LIPH: variants seen among roughly 807,000 people sequenced by gnomAD.
LIPH encodes the protein lipase member H.
A neutral mutation model predicts 47.6 loss-of-function variants in LIPH; 32 were observed. The ratio of observed to expected loss-of-function variants is 0.67; its 90% CI spans 0.51 to 0.90. The LOEUF (loss-of-function observed/expected upper bound fraction) is 0.90, where lower values mean the gene tolerates loss of function less well. Ranked by LOEUF, LIPH falls within the 40% of genes least tolerant of loss-of-function variation. The pLI is 0.00. For missense variants in LIPH, 497 were observed against 541.4 expected, an observed-to-expected ratio of 0.92 and a Z score of 0.81; for synonymous variants, 190 against 195.6, an observed-to-expected ratio of 0.97 and a Z score of 0.24.
intron 1 of LIPH, among the ~76,000 whole-genome samples, chr3:185,547,145 A>C (rs1349646071): frequency 1.3e-5 from 2 of 152,120 alleles, no homozygotes; most frequent in African/African-American, 4.8e-5. Flanking sequence ...TCTCAAAAAA[A>C]AAAAAAAGAA....
intron 3 of LIPH, 71 bp downstream of exon 3, chr3:185,533,500 G>T: frequency 1.0e-6 from 1 of 969,138 alleles, no homozygotes; most frequent in Non-Finnish European, 1.7e-6. Flanking sequence ...GAGTTGGATT[G>T]GCCTACATAA....
intron 1 of LIPH, among the ~76,000 whole-genome samples, chr3:185,550,838 G>T (rs1440389543): frequency 6.6e-6 from 1 of 152,088 alleles, no homozygotes; most frequent in Non-Finnish European, 1.5e-5. Context: ...AGAGTGCTGG[G>T]ATTATAGGCA....
rs1043440226 is a variant in LIPH, at chr3:185,507,377, A to T, written c.*1413T>A. 6.7e-6 allele frequency: 1 copy of T among 150,292 alleles called. No individual in the cohort carries two copies. Among genetic ancestry groups the T allele is most frequent in the Non-Finnish European group, 1.5e-5 (1 of 67,692 alleles). The allele number at this position is 150,292 out of a possible 1,614,324, so 9.3% of individuals were successfully genotyped here. A position where few individuals can be genotyped will look rare whatever the true frequency, so the allele number is the denominator to read the frequency against. ...ACTCCAAAAAAAAAAAAAGAGAGAGAGAGTCAATTTCTTCATAACAAAGGC... is the reference window on the plus strand; with the variant it reads ...ACTCCAAAAAAAAAAAAAGAGAGAGTGAGTCAATTTCTTCATAACAAAGGC... On this transcript the variant is annotated 3_prime_UTR_variant, in exon 10 of 10. Transcript: ENST00000296252.
chr3:185,511,423 G>T, intron 9 of LIPH, 101 bp downstream of exon 9: 1 of 1,096,772 alleles, frequency 9.1e-7, no homozygotes, highest in Non-Finnish European at 1.4e-6. Flanking sequence ...CCCTCATTGT[G>T]AATAATAGAG....
At chr3:185,512,298 A>T (rs2148946569) in intron 8 of LIPH, among the ~76,000 whole-genome samples, 1 of 152,164 alleles carries the variant, frequency 6.6e-6, no homozygotes, top group East Asian at 1.9e-4. Context: ...GATGAACCTT[A>T]AAAAAGGCAA....
chr3:185,513,571 AC>A (rs1183150893), intron 8 of LIPH, among the ~76,000 whole-genome samples: 1 of 152,200 alleles, frequency 6.6e-6, no homozygotes, highest in Non-Finnish European at 1.5e-5. Context: ...CAGAAACTCC[AC>A]TTCTGGATAC....
At chr3:185,528,222 AAGAGAGAGAGAG>A (rs35994579) in intron 3 of LIPH, among the ~76,000 whole-genome samples, 1 of 140,556 alleles carries the variant, frequency 7.1e-6, no homozygotes, top group Non-Finnish European at 1.5e-5. Context: ...CGAAGAAAGA[AAGAGAGAGAGAG>A]AGAGAGAGAG....
chr3:185,525,619 GA>G (rs886718558), intron 4 of LIPH, among the ~76,000 whole-genome samples: 2 of 151,428 alleles, frequency 1.3e-5, no homozygotes, highest in East Asian at 1.9e-4. Context: ...CTCTATCAGT[GA>G]AAAAAAAGGA....
At chr3:185,527,416 A>G in intron 4 of LIPH, 68 bp downstream of exon 4, 1 of 1,064,934 alleles carries the variant, frequency 9.4e-7, no homozygotes, top group Non-Finnish European at 1.5e-6. Context: ...CTACATGATT[A>G]TCTCTCCCCA....
intron 8 of LIPH, among the ~76,000 whole-genome samples, chr3:185,513,581 A>G (rs1256542852): frequency 6.6e-6 from 1 of 152,212 alleles, no homozygotes; most frequent in Non-Finnish European, 1.5e-5. Flanking sequence ...ACTTCTGGAT[A>G]CAAGTCCAAA....
chr3:185,536,386 C>T (rs1349028050), intron 1 of LIPH, among the ~76,000 whole-genome samples: 1 of 152,080 alleles, frequency 6.6e-6, no homozygotes, highest in Non-Finnish European at 1.5e-5. Flanking sequence ...ATGCAGTGGG[C>T]CAACAGAAGA....
chr3:185,514,863 C>T (rs897270125), intron 7 of LIPH, among the ~76,000 whole-genome samples: 2 of 152,134 alleles, frequency 1.3e-5, no homozygotes, highest in African/African-American at 4.8e-5. Flanking sequence ...AGGGGCCATT[C>T]GGAGACCCTC....
chr3:185,527,960 C>T (rs1226862556), intron 3 of LIPH, among the ~76,000 whole-genome samples: 11 of 151,732 alleles, frequency 7.2e-5, no homozygotes, highest in South Asian at 2.1e-4. Flanking sequence ...CGCAGTGGCT[C>T]ACACCTGTAA....
At chr3:185,534,485 A>G (rs1261684332) in intron 2 of LIPH, among the ~76,000 whole-genome samples, 2 of 152,184 alleles carry the variant, frequency 1.3e-5, no homozygotes, top group African/African-American at 4.8e-5. Context: ...ACACTTTGTC[A>G]TCATCTGGTG....
At chr3:185,527,629 C>T (rs1278062866) in intron 3 of LIPH, 44 bp from the exon 4 acceptor site, 2 of 1,256,234 alleles carry the variant, frequency 1.6e-6, no homozygotes, top group East Asian at 2.3e-5. Context: ...CACCATGAGT[C>T]ACCTGCAGCC....
rs1173584831 is a variant in LIPH at position 185,534,848 on chromosome 3, C to T, written c.334G>A (p.Ala112Thr). ...GCATGGGTATATATTAAAGTTGTAG[C>T]TCCTCGATTCCAATCAACAACAACT... ...NVVVVDWNRG[A>T]TTLIYTHASS... Residue 112 changes from alanine to threonine, a missense_variant, in exon 2 of 10, where the codon GCT becomes ACT. By Grantham distance (58) the Ala-to-Thr change is moderately conservative. Transcript: ENST00000296252. 1.2e-6 allele frequency: 2 copies of T among 1,613,992 alleles called. No homozygotes were observed. The highest frequency in any genetic ancestry group is 1.7e-6 in the Non-Finnish European group (2 of 1,179,930).
intron 7 of LIPH, among the ~76,000 whole-genome samples, chr3:185,516,078 G>T (rs907416888): frequency 3.3e-5 from 5 of 152,156 alleles, no homozygotes; most frequent in Admixed American, 3.3e-4. Context: ...AGGCTGCAGT[G>T]CCCCATTATT....
intron 1 of LIPH, among the ~76,000 whole-genome samples, chr3:185,538,068 G>C (rs1047113762): frequency 6.6e-6 from 1 of 152,094 alleles, no homozygotes; most frequent in African/African-American, 2.4e-5. Flanking sequence ...CGGCCTCCCA[G>C]AGTGCTGGGA....
At chr3:185,517,690 G>C (rs1443055125) in intron 6 of LIPH, among the ~76,000 whole-genome samples, 1 of 152,058 alleles carries the variant, frequency 6.6e-6, no homozygotes, top group Non-Finnish European at 1.5e-5. Flanking sequence ...CCTAGCCCTA[G>C]AGAATGGCCT....
Sources: gnomAD v4.1 joint callset for allele counts (sites outside exome capture counted in the v4.1 genomes callset) on GRCh38, gnomAD v4.1.1 for gene constraint, MANE v1.5 for transcripts, NCBI Gene and HGNC (gene_info 2026-07-23, HGNC 2026-07-21) for gene names.